Variants in UNC5D observed in about 807,000 individuals in gnomAD.
UNC5D encodes the protein netrin receptor UNC5D.
Under a neutral mutation model 105.4 loss-of-function variants are expected in UNC5D, and 39 were observed. The ratio of observed to expected loss-of-function variants is 0.37; its 90% CI spans 0.29 to 0.48. The LOEUF (loss-of-function observed/expected upper bound fraction) is 0.48, where lower values mean the gene tolerates loss of function less well. Ranked by LOEUF, UNC5D falls within the 20% of genes least tolerant of loss-of-function variation. The pLI is 0.98. For missense variants in UNC5D, 991 were observed against 1,202.4 expected, an observed-to-expected ratio of 0.82 and a Z score of 2.60; for synonymous variants, 452 against 450.4, an observed-to-expected ratio of 1.00 and a Z score of -0.04.
intron 4 of UNC5D, among the ~76,000 whole-genome samples, chr8:35,603,650 G>C (rs1004024417): frequency 6.6e-5 from 10 of 152,274 alleles, no homozygotes; most frequent in Admixed American, 2.0e-4. Context: ...GGGTGTTAAA[G>C]TCTCCCATTA....
Position 35,472,926 on chromosome 8 carries a change from T to C in UNC5D, c.104-76366T>C, listed in dbSNP as rs142413904. 9.8e-3 allele frequency among the ~76,000 whole-genome samples: 1,494 copies of C among 152,256 alleles called. 30 individuals carry two copies. Among genetic ancestry groups the C allele is most frequent in the African/African-American group, 0.034 (1,397 of 41,554 alleles). On this transcript the variant is annotated intron_variant, in intron 1 of 16. Transcript: ENST00000404895. Reference sequence around the variant, plus strand: ...CAAATGTTGGATTTTCCACAGGTGGTCAATGACACCAGGTGGGAGTAACAA... The same window carrying C: ...CAAATGTTGGATTTTCCACAGGTGGCCAATGACACCAGGTGGGAGTAACAA...
chr8:35,265,208 TCA>T (rs1804775925), intron 1 of UNC5D, among the ~76,000 whole-genome samples: 4 of 71,420 alleles, frequency 5.6e-5, no homozygotes, highest in Admixed American at 3.6e-4. Flanking sequence ...TGTGACCTTA[TCA>T]TAGTCTGATG....
At chr8:35,469,198 G>A (rs1297864803) in intron 1 of UNC5D, among the ~76,000 whole-genome samples, 1 of 152,178 alleles carries the variant, frequency 6.6e-6, no homozygotes, top group Non-Finnish European at 1.5e-5. Context: ...TCAGGAGGAA[G>A]TATACTTATT....
chr8:35,394,196 C>A (rs944859754), intron 1 of UNC5D, among the ~76,000 whole-genome samples: 5 of 152,066 alleles, frequency 3.3e-5, no homozygotes, highest in Non-Finnish European at 5.9e-5. Context: ...TCATATAATT[C>A]TTTATGTGAT....
At chr8:35,620,445 G>T (rs1821297773) in intron 4 of UNC5D, among the ~76,000 whole-genome samples, 1 of 152,130 alleles carries the variant, frequency 6.6e-6, no homozygotes, top group Admixed American at 6.5e-5. Flanking sequence ...TGCAGTCTAA[G>T]GGGCTTTTGT....
intron 1 of UNC5D, among the ~76,000 whole-genome samples, chr8:35,308,901 A>T (rs1585551493): frequency 6.6e-6 from 1 of 152,296 alleles, no homozygotes; most frequent in East Asian, 1.9e-4. Flanking sequence ...TTAGTCTTTA[A>T]CAGGGAAGAA....
At chr8:35,274,451 G>A (rs1236574213) in intron 1 of UNC5D, among the ~76,000 whole-genome samples, 1 of 152,194 alleles carries the variant, frequency 6.6e-6, no homozygotes, top group East Asian at 1.9e-4. Flanking sequence ...AGCAGATATT[G>A]GATGAAGTTC....
intron 1 of UNC5D, among the ~76,000 whole-genome samples, chr8:35,287,600 A>G (rs1436637370): frequency 6.6e-6 from 1 of 151,704 alleles, no homozygotes; most frequent in African/African-American, 2.4e-5. Flanking sequence ...TCAAGACCAG[A>G]CTAAGCAATA....
chr8:35,530,951 G>T, intron 1 of UNC5D, among the ~76,000 whole-genome samples: 1 of 146,136 alleles, frequency 6.8e-6, no homozygotes. Flanking sequence ...TTCTTTATTA[G>T]TCTTGCTAGT....
At chr8:35,654,866 C>G (rs1823636675) in intron 4 of UNC5D, among the ~76,000 whole-genome samples, 1 of 152,104 alleles carries the variant, frequency 6.6e-6, no homozygotes. Context: ...TTGTATCATT[C>G]TTCTGCCCCT....
At chr8:35,656,194 C>A (rs1383370220) in intron 4 of UNC5D, among the ~76,000 whole-genome samples, 1 of 152,136 alleles carries the variant, frequency 6.6e-6, no homozygotes, top group Non-Finnish European at 1.5e-5. Flanking sequence ...GCTTACTTGG[C>A]TCCTGGCCTC....
At chr8:35,589,043 CAA>C (rs796752210) in intron 3 of UNC5D, among the ~76,000 whole-genome samples, 2 of 132,794 alleles carry the variant, frequency 1.5e-5, no homozygotes, top group Non-Finnish European at 1.6e-5. Flanking sequence ...GACTTCATCT[CAA>C]AAAAAAAAAA....
intron 4 of UNC5D, among the ~76,000 whole-genome samples, chr8:35,665,553 T>G (rs1482801733): frequency 6.6e-6 from 1 of 151,910 alleles, no homozygotes; most frequent in East Asian, 1.9e-4. Context: ...CTTTTCATCC[T>G]CCCATTTCAT....
At chr8:35,452,559 C>T (rs1028844468) in intron 1 of UNC5D, among the ~76,000 whole-genome samples, 8 of 152,052 alleles carry the variant, frequency 5.3e-5, no homozygotes, top group Non-Finnish European at 1.2e-4. Context: ...CCACCGTGCC[C>T]GGCCTAATAT....
At chr8:35,242,902 A>C (rs183999934) in intron 1 of UNC5D, among the ~76,000 whole-genome samples, 1 of 152,240 alleles carries the variant, frequency 6.6e-6, no homozygotes, top group East Asian at 1.9e-4. Flanking sequence ...CTTATTTAGT[A>C]GTTAACATCT....
chr8:35,453,808 C>A (rs1427849370), intron 1 of UNC5D, among the ~76,000 whole-genome samples: 1 of 152,102 alleles, frequency 6.6e-6, no homozygotes, highest in African/African-American at 2.4e-5. Flanking sequence ...CACCCACTCT[C>A]CTGCCTACCA....
chr8:35,775,019 AC>A (rs1472662933), intron 16 of UNC5D, among the ~76,000 whole-genome samples: 10 of 151,706 alleles, frequency 6.6e-5, no homozygotes, highest in Non-Finnish European at 1.3e-4. Flanking sequence ...TGGTTCTGGT[AC>A]CATCTCTAGG....
chr8:35,588,308 G>T (rs928690708), intron 3 of UNC5D, among the ~76,000 whole-genome samples: 16 of 152,058 alleles, frequency 1.1e-4, no homozygotes, highest in African/African-American at 3.9e-4. Context: ...GCAGAGACTT[G>T]CAAGAAAAAA....
intron 1 of UNC5D, among the ~76,000 whole-genome samples, chr8:35,535,824 A>G (rs1814794907): frequency 6.6e-6 from 1 of 152,184 alleles, no homozygotes; most frequent in Non-Finnish European, 1.5e-5. Context: ...TGCTAACAAT[A>G]TCCTATTATA....
Sources: gnomAD v4.1 joint callset for allele counts (sites outside exome capture counted in the v4.1 genomes callset) on GRCh38, gnomAD v4.1.1 for gene constraint, MANE v1.5 for transcripts, NCBI Gene and HGNC (gene_info 2026-07-23, HGNC 2026-07-21) for gene names.